SPIRE1: variants seen among roughly 807,000 people sequenced by gnomAD.
SPIRE1 encodes the protein spire type actin nucleation factor 1.
Under a neutral mutation model 94.1 loss-of-function variants are expected in SPIRE1, and 40 were observed. The observed-to-expected ratio is 0.43, with a 90% CI of 0.33 to 0.55. SPIRE1 has a LOEUF of 0.55. SPIRE1 is among the 20% of genes least tolerant of loss of function. The probability of loss-of-function intolerance (pLI) is 0.06; values close to 1 mark genes in which losing one functional copy is unlikely to be tolerated. For synonymous variants in SPIRE1, 376 were observed against 371.7 expected, an observed-to-expected ratio of 1.01 and a Z score of -0.13; for missense variants, 838 against 975.2, an observed-to-expected ratio of 0.86 and a Z score of 1.87.
chr18:12,497,367 G>A (rs966545902), intron 6 of SPIRE1, among the ~76,000 whole-genome samples: 1 of 151,880 alleles, frequency 6.6e-6, no homozygotes, highest in African/African-American at 2.4e-5. Context: ...TTCCCATTCT[G>A]ACCACTTAGA....
At chr18:12,469,488 G>A (rs1050425718) in intron 10 of SPIRE1, among the ~76,000 whole-genome samples, 3 of 149,802 alleles carry the variant, frequency 2.0e-5, no homozygotes, top group Admixed American at 6.7e-5. Context: ...AAGCCACTAC[G>A]CCCAGCCACA....
intron 9 of SPIRE1, among the ~76,000 whole-genome samples, chr18:12,484,115 T>G (rs887165510): frequency 6.6e-6 from 1 of 152,150 alleles, no homozygotes; most frequent in Admixed American, 6.6e-5. Context: ...TGTGTAAGCA[T>G]GCATACTGTC....
At chr18:12,658,945 G>C (rs1324696572), upstream of SPIRE1, 1 of 221,646 alleles carries the variant, frequency 4.5e-6, no homozygotes, top group Non-Finnish European at 9.3e-6. Flanking sequence ...AATGTCTCAA[G>C]TACCACACTC....
intron 16 of SPIRE1, chr18:12,450,834 G>A (rs953656938): frequency 1.9e-5 from 14 of 734,404 alleles, no homozygotes; most frequent in African/African-American, 8.7e-5. Context: ...GGTGAGATGC[G>A]GAATAACTTA....
intron 12 of SPIRE1, among the ~76,000 whole-genome samples, chr18:12,459,337 T>TCCAC (rs2031674573): frequency 6.6e-6 from 1 of 151,980 alleles, no homozygotes; most frequent in Non-Finnish European, 1.5e-5. Flanking sequence ...GTGGGCGGAG[T>TCCAC]CCACCATGGC....
chr18:12,658,160 C>T, upstream of SPIRE1: 1 of 950,106 alleles, frequency 1.1e-6, no homozygotes, highest in Non-Finnish European at 1.3e-6. Context: ...CGCCCAGCGC[C>T]CGCCCCTTAG....
chr18:12,457,178 T>C (rs977616855), intron 12 of SPIRE1, among the ~76,000 whole-genome samples: 4 of 152,228 alleles, frequency 2.6e-5, no homozygotes, highest in African/African-American at 9.6e-5. Context: ...TGCTTTCTTG[T>C]TCTTTTTTAA....
chr18:12,597,971 T>C (rs2036725347), intron 2 of SPIRE1, among the ~76,000 whole-genome samples: 1 of 152,182 alleles, frequency 6.6e-6, no homozygotes, highest in South Asian at 2.1e-4. Context: ...TGGGACTGCA[T>C]TGGCCAGGGA....
intron 2 of SPIRE1, among the ~76,000 whole-genome samples, chr18:12,583,699 C>T (rs2036317154): frequency 6.6e-6 from 1 of 151,272 alleles, no homozygotes; most frequent in Admixed American, 6.6e-5. Context: ...CTGAGGTGAG[C>T]AGACTGCTTG....
At chr18:12,463,130 G>A (rs1296536634) in intron 12 of SPIRE1, among the ~76,000 whole-genome samples, 1 of 152,164 alleles carries the variant, frequency 6.6e-6, no homozygotes, top group East Asian at 1.9e-4. Context: ...TTGAACTCCT[G>A]GAGTCAAGTA....
intron 2 of SPIRE1, among the ~76,000 whole-genome samples, chr18:12,567,872 C>T (rs1017402598): frequency 6.6e-6 from 1 of 152,196 alleles, no homozygotes; most frequent in African/African-American, 2.4e-5. Flanking sequence ...TAAGAATTTA[C>T]TACGTTTCCC....
chr18:12,639,774 T>G (rs1598572039), intron 1 of SPIRE1, among the ~76,000 whole-genome samples: 1 of 149,622 alleles, frequency 6.7e-6, no homozygotes, highest in East Asian at 2.0e-4. Context: ...AAAGAAAGGC[T>G]GAGGTGGGAG....
chr18:12,458,282 C>T (rs2031618106), intron 12 of SPIRE1, among the ~76,000 whole-genome samples: 1 of 151,874 alleles, frequency 6.6e-6, no homozygotes. Flanking sequence ...ATAAAAACAG[C>T]AACTATTAAG....
intron 2 of SPIRE1, among the ~76,000 whole-genome samples, chr18:12,615,542 C>CAAAAAAA (rs71174108): frequency 6.6e-5 from 5 of 75,790 alleles, no homozygotes; most frequent in Non-Finnish European, 1.1e-4. Flanking sequence ...TCTATCTCCA[C>CAAAAAAA]AAAAAAAAAA....
chr18:12,549,439 G>GGTTTTTTT (rs2035275774), intron 2 of SPIRE1, among the ~76,000 whole-genome samples: 4 of 41,248 alleles, frequency 9.7e-5, no homozygotes, highest in African/African-American at 1.2e-4. Flanking sequence ...TGTTATTGTT[G>GGTTTTTTT]TTTTTTTTTT....
intron 10 of SPIRE1, among the ~76,000 whole-genome samples, chr18:12,474,942 G>A (rs995385431): frequency 1.3e-5 from 2 of 152,170 alleles, no homozygotes; most frequent in African/African-American, 4.8e-5. Context: ...CAACCTTTTT[G>A]AGACTGCCCT....
At chr18:12,549,390 C>A (rs1389934551) in intron 2 of SPIRE1, among the ~76,000 whole-genome samples, 1 of 150,302 alleles carries the variant, frequency 6.7e-6, no homozygotes, top group Admixed American at 6.7e-5. Context: ...ATCCATATAA[C>A]CCTCCCCTTC....
chr18:12,500,257 A>C (rs2033609006), intron 6 of SPIRE1, among the ~76,000 whole-genome samples: 1 of 152,234 alleles, frequency 6.6e-6, no homozygotes, highest in African/African-American at 2.4e-5. Flanking sequence ...ACAAACAGGC[A>C]CATGCACACC....
At chr18:12,556,613 G>A (rs1791943367) in intron 2 of SPIRE1, among the ~76,000 whole-genome samples, 2 of 152,150 alleles carry the variant, frequency 1.3e-5, no homozygotes, top group African/African-American at 4.8e-5. Flanking sequence ...GAGTGAAGCT[G>A]CAGACCTTCG....
Sources: gnomAD v4.1 joint callset for allele counts (sites outside exome capture counted in the v4.1 genomes callset) on GRCh38, gnomAD v4.1.1 for gene constraint, MANE v1.5 for transcripts, NCBI Gene and HGNC (gene_info 2026-07-23, HGNC 2026-07-21) for gene names.